LDB2: variants seen among roughly 807,000 people sequenced by gnomAD.
The protein encoded by LDB2 is LIM domain binding 2.
A neutral mutation model predicts 44.3 loss-of-function variants in LDB2; 12 were observed. That is an observed-to-expected ratio of 0.27 (90% CI 0.17 to 0.44). The LOEUF is 0.44. LDB2 is among the 20% of genes least tolerant of loss of function. The pLI, the probability that LDB2 is intolerant of heterozygous loss-of-function variation, is 1.00. For synonymous variants in LDB2, 164 were observed against 174.8 expected, an observed-to-expected ratio of 0.94 and a Z score of 0.49; for missense variants, 344 against 473.5, an observed-to-expected ratio of 0.73 and a Z score of 2.54.
At chr4:16,537,242 A>G (rs755254854) in intron 5 of LDB2, among the ~76,000 whole-genome samples, 1 of 152,228 alleles carries the variant, frequency 6.6e-6, no homozygotes, top group Non-Finnish European at 1.5e-5. Context: ...AGAGTTTGAC[A>G]GGGAGAAGGA....
At chr4:16,793,856 G>A (rs1157001492) in intron 1 of LDB2, among the ~76,000 whole-genome samples, 2 of 152,094 alleles carry the variant, frequency 1.3e-5, no homozygotes, top group African/African-American at 4.8e-5. Context: ...AGACAGGCAG[G>A]CTCTATCCCC....
chr4:16,805,348 G>A (rs1561288635), intron 1 of LDB2, among the ~76,000 whole-genome samples: 1 of 152,188 alleles, frequency 6.6e-6, no homozygotes. Context: ...ATATCAGCAA[G>A]TGTTTATCTG....
chr4:16,760,069 G>A (rs959762345), intron 1 of LDB2, among the ~76,000 whole-genome samples: 7 of 152,162 alleles, frequency 4.6e-5, no homozygotes, highest in Non-Finnish European at 2.9e-5. Context: ...GTTATACAGA[G>A]TGTCATATTT....
chr4:16,881,107 C>T (rs544894574), intron 1 of LDB2, among the ~76,000 whole-genome samples: 1 of 152,228 alleles, frequency 6.6e-6, no homozygotes, highest in African/African-American at 2.4e-5. Flanking sequence ...GCTTTGAATG[C>T]GTCTCACAGT....
intron 1 of LDB2, among the ~76,000 whole-genome samples, chr4:16,823,712 A>T (rs1455335437): frequency 2.0e-5 from 3 of 152,246 alleles, no homozygotes; most frequent in Non-Finnish European, 4.4e-5. Flanking sequence ...TCTGATGATT[A>T]GCAAGGTACT....
intron 2 of LDB2, among the ~76,000 whole-genome samples, chr4:16,680,424 T>G (rs1314628316): frequency 6.6e-6 from 1 of 152,212 alleles, no homozygotes; most frequent in Non-Finnish European, 1.5e-5. Context: ...AGAGCATAAG[T>G]GCTTGCCTTC....
intron 1 of LDB2, among the ~76,000 whole-genome samples, chr4:16,864,621 C>T (rs1031436901): frequency 4.6e-5 from 7 of 152,156 alleles, no homozygotes; most frequent in African/African-American, 1.4e-4. Context: ...CTGCAACCAA[C>T]TCTTAAGAAA....
intron 2 of LDB2, among the ~76,000 whole-genome samples, chr4:16,597,414 T>C (rs1721281775): frequency 6.6e-6 from 1 of 152,194 alleles, no homozygotes; most frequent in African/African-American, 2.4e-5. Flanking sequence ...AAATATAAAA[T>C]TCAAATGAGA....
At chr4:16,561,058 G>T (rs1336001521) in intron 5 of LDB2, among the ~76,000 whole-genome samples, 2 of 152,030 alleles carry the variant, frequency 1.3e-5, no homozygotes, top group Admixed American at 1.3e-4. Context: ...GGTATTGATG[G>T]GACATATCTC....
chr4:16,886,350 A>C (rs1721691037), intron 1 of LDB2, among the ~76,000 whole-genome samples: 2 of 152,240 alleles, frequency 1.3e-5, no homozygotes, highest in African/African-American at 4.8e-5. Flanking sequence ...CAGGCAACTC[A>C]AAATTATATT....
chr4:16,714,594 T>A (rs1315073552), intron 2 of LDB2, among the ~76,000 whole-genome samples: 1 of 152,178 alleles, frequency 6.6e-6, no homozygotes, highest in East Asian at 1.9e-4. Context: ...CAGCCCAGCC[T>A]GGTAGTTTCC....
At chr4:16,861,511 C>A (rs1490026137) in intron 1 of LDB2, among the ~76,000 whole-genome samples, 6 of 152,126 alleles carry the variant, frequency 3.9e-5, no homozygotes, top group Non-Finnish European at 5.9e-5. Flanking sequence ...GCAGAAGTAA[C>A]AATTCTTCAG....
chr4:16,572,819 G>A lies in LDB2; in HGVS notation c.615+13103C>T, dbSNP rs183385635. ...AAGTTTTAATCATTCTCTGTGTGCC[G>A]CATTCCCATGGCTCCAAAGGGCTTT... is the stretch of plus-strand genomic sequence containing the variant. On this transcript the variant is annotated intron_variant, in intron 5 of 7. Transcript: ENST00000304523. Among the ~76,000 whole-genome samples, 359 of 152,220 alleles carry A rather than the reference G, an allele frequency of 2.4e-3. 1 individual carries two copies. Among genetic ancestry groups the A allele is most frequent in the Middle Eastern group, 0.01 (3 of 294 alleles).
Position 16,635,287 on chromosome 4 carries a change from TA to T in LDB2, c.236-39413del, listed in dbSNP as rs79898105. ...CACATGTAACCCAGAACTTAAAGTA[TA>T]AAAAAAAAAAATTGAGTCACCCACA... On this transcript the variant is annotated intron_variant, in intron 2 of 7. Transcript: ENST00000304523. Among the ~76,000 whole-genome samples the T allele has an allele frequency of 4.3e-3, 631 of 145,322 alleles. 1 individual carries two copies. Among genetic ancestry groups the T allele is most frequent in the Non-Finnish European group, 5.8e-3 (381 of 65,708 alleles).
At chr4:16,804,580 T>C (rs1356958906) in intron 1 of LDB2, among the ~76,000 whole-genome samples, 3 of 152,192 alleles carry the variant, frequency 2.0e-5, no homozygotes. Flanking sequence ...ATAAAGCTCA[T>C]ATGACTATAC....
At chr4:16,738,389 AGAG>A (rs1424567012) in intron 2 of LDB2, among the ~76,000 whole-genome samples, 6 of 152,198 alleles carry the variant, frequency 3.9e-5, no homozygotes, top group Non-Finnish European at 7.3e-5. Flanking sequence ...AGAAACAGGA[AGAG>A]GAGGAGGAGG....
At chr4:16,525,110 T>G (rs1053556590) in intron 5 of LDB2, among the ~76,000 whole-genome samples, 4 of 152,208 alleles carry the variant, frequency 2.6e-5, no homozygotes, top group African/African-American at 9.6e-5. Context: ...GAACATTGAC[T>G]GAATGGTTAC....
At chr4:16,558,025 C>T (rs1172585928) in intron 5 of LDB2, among the ~76,000 whole-genome samples, 1 of 152,222 alleles carries the variant, frequency 6.6e-6, no homozygotes, top group Non-Finnish European at 1.5e-5. Context: ...AGAAGGAAAA[C>T]TAACAAACAG....
chr4:16,610,030 T>A (rs553045643), intron 2 of LDB2, among the ~76,000 whole-genome samples: 64 of 152,132 alleles, frequency 4.2e-4, no homozygotes, highest in Admixed American at 4.6e-4. Context: ...CCAGCCTCCT[T>A]GAGTGACATC....
Sources: gnomAD v4.1 joint callset for allele counts (sites outside exome capture counted in the v4.1 genomes callset) on GRCh38, gnomAD v4.1.1 for gene constraint, MANE v1.5 for transcripts, NCBI Gene and HGNC (gene_info 2026-07-23, HGNC 2026-07-21) for gene names.